Variants in EVC observed in about 807,000 individuals in gnomAD.
The protein encoded by EVC is evC complex member EVC.
Under a neutral mutation model 118.9 loss-of-function variants are expected in EVC, and 116 were observed. The ratio of observed to expected loss-of-function variants is 0.98; its 90% CI spans 0.84 to 1.14. The LOEUF is 1.14. Ranked by LOEUF, EVC falls within the 50% of genes most tolerant of loss-of-function variation. EVC has a pLI of 0.00. For synonymous variants in EVC, 619 were observed against 534.7 expected (o/e 1.16, Z -2.18); for missense variants, 1,401 against 1,246.4 (o/e 1.12, Z -1.87).
intron 1 of EVC, among the ~76,000 whole-genome samples, chr4:5,715,179 C>T (rs73071966): frequency 0.019 from 2,916 of 152,212 alleles, 77 homozygotes; most frequent in African/African-American, 0.066. Context: ...CACATATGTG[C>T]GTTTGTGTTC....
At chr4:5,727,787 A>G (rs1481917685) in intron 2 of EVC, among the ~76,000 whole-genome samples, 1 of 149,592 alleles carries the variant, frequency 6.7e-6, no homozygotes, top group African/African-American at 2.5e-5. Context: ...AGCTTTCTCC[A>G]TATGGCTAGC....
At chr4:5,761,378 G>A (rs1013473525) in intron 11 of EVC, among the ~76,000 whole-genome samples, 2 of 151,900 alleles carry the variant, frequency 1.3e-5, no homozygotes, top group Admixed American at 6.6e-5. Context: ...ACAATCAATC[G>A]AGGTTTATTG....
In EVC at chr4:5,749,688, G is replaced by A. The variant is rs1027842753; in HGVS notation, c.1098+1382G>A. On this transcript the variant is annotated intron_variant, in intron 8 of 20. Coordinates refer to ENST00000264956, the MANE Select transcript of EVC (RefSeq NM_153717.3). The surrounding 1 kb of genome is among the most constrained non-coding windows in gnomAD (Gnocchi z 4.4). Reference sequence around the variant, plus strand: ...CCAGTGTGTACTAGGGCCAGGGAACGAGCCCTCTGATGCTGCCCTGCACCC... The same window carrying A: ...CCAGTGTGTACTAGGGCCAGGGAACAAGCCCTCTGATGCTGCCCTGCACCC... Among the ~76,000 whole-genome samples, 4 of 152,162 alleles carry A rather than the reference G, an allele frequency of 2.6e-5. No individual in the cohort carries two copies. The highest frequency in any genetic ancestry group is 6.5e-5 in the Admixed American group (1 of 15,270).
rs2152313731 is a variant in EVC at position 5,789,867 on chromosome 4, A to G, written c.1777-3741A>G. On this transcript the variant is annotated intron_variant, in intron 12 of 20. Coordinates refer to ENST00000264956, the MANE Select transcript of EVC (RefSeq NM_153717.3). The surrounding 1 kb of genome is among the most constrained non-coding windows in gnomAD (Gnocchi z 4.3). ...AAAGACCCCTATATACTTTAGTGGCAATGCAGACTCACCTTTCAAAGAATC... is the reference window on the plus strand; with the variant it reads ...AAAGACCCCTATATACTTTAGTGGCGATGCAGACTCACCTTTCAAAGAATC... 6.6e-6 allele frequency among the ~76,000 whole-genome samples: 1 copy of G among 152,296 alleles called. No homozygotes were observed. The highest frequency in any genetic ancestry group is 1.9e-4 in the East Asian group (1 of 5,180).
At chr4:5,796,928 G>T (rs1186453511) in intron 13 of EVC, 94 bp from the exon 14 acceptor site, 1 of 932,920 alleles carries the variant, frequency 1.1e-6, no homozygotes, top group Admixed American at 1.7e-5. Context: ...CCTTTTGGAG[G>T]GGCCTCTTGT....
Position 5,715,347 on chromosome 4 carries a change from T to C in EVC, c.174+3793T>C, listed in dbSNP as rs1415081306. ...CAGCAGCATCAATATCTTGGGGAGC[T>C]TGATAGAAATGCATATTCTTGGGCT... On this transcript the variant is annotated intron_variant, in intron 1 of 20. Transcript: ENST00000264956. Among the ~76,000 whole-genome samples, 3 of 152,196 alleles carry C rather than the reference T, an allele frequency of 2.0e-5. No individual in the cohort carries two copies. The South Asian group carries it at 6.2e-4, about 31-fold the overall frequency.
At position 5,811,420 on chromosome 4, in the gene EVC, C is replaced by G. The variant is rs1716893596; in HGVS notation, c.*383C>G. The G allele has an allele frequency of 6.7e-6, 2 of 297,940 alleles. No individual in the cohort carries two copies. Among genetic ancestry groups the G allele is most frequent in the African/African-American group, 4.4e-5 (2 of 45,740 alleles). 18.5% of individuals were successfully genotyped at this position (297,940 alleles called of 1,614,324 possible). On this transcript the variant is annotated 3_prime_UTR_variant, in exon 21 of 21. Transcript: ENST00000264956. Reference sequence around the variant, plus strand: ...GTCTGGGCCCATCTGGGGCTGAGGACACACAGATACATAATGACACCTGCA... The same window carrying G: ...GTCTGGGCCCATCTGGGGCTGAGGAGACACAGATACATAATGACACCTGCA...
In EVC at chr4:5,756,168, TA is replaced by T; in HGVS notation, c.1465-94del. ...ATACAGGTGCCAACATCCTTCTTTC[TA>T]ACCTGAGATGCAGGGGATGGTTGGA... On this transcript the variant is annotated intron_variant, in intron 10 of 20. Coordinates refer to ENST00000264956, the MANE Select transcript of EVC (RefSeq NM_153717.3). The surrounding 1 kb of genome is among the most constrained non-coding windows in gnomAD (Gnocchi z 4.2). 1.0e-6 allele frequency: 1 copy of T among 952,548 alleles called. No individual in the cohort carries two copies. The highest frequency in any genetic ancestry group is 1.6e-6 in the Non-Finnish European group (1 of 609,842). 59.0% of individuals were successfully genotyped at this position (952,548 alleles called of 1,614,324 possible).
chr4:5,733,293 C>A, intron 4 of EVC, 58 bp from the exon 5 acceptor site: 1 of 1,431,800 alleles, frequency 7.0e-7, no homozygotes, highest in South Asian at 1.1e-5. Flanking sequence ...TGCCAATATT[C>A]TTACTCTTCA....
intron 11 of EVC, among the ~76,000 whole-genome samples, chr4:5,780,961 G>A (rs1459970510): frequency 6.6e-6 from 1 of 152,200 alleles, no homozygotes; most frequent in Non-Finnish European, 1.5e-5. Flanking sequence ...CATGAGTTGT[G>A]GCAGCATGTG....
chr4:5,714,097 G>C (rs1208091586), intron 1 of EVC, among the ~76,000 whole-genome samples: 3 of 151,962 alleles, frequency 2.0e-5, no homozygotes, highest in Non-Finnish European at 4.4e-5. Context: ...CTCCGCCTGC[G>C]CGGTCCTTTC....
At position 5,731,965 on chromosome 4, in the gene EVC, G is replaced by A. The variant is rs1726898140; in HGVS notation, c.617+308G>A. On this transcript the variant is annotated intron_variant, in intron 4 of 20. Transcript: ENST00000264956. This position sits in a 1 kb window ranked among gnomAD's most constrained non-coding sequence, Gnocchi z 5.6. ...TTAAGTGGGTACTTCTGAGTACCGG[G>A]CAGAGTGCTAAGCACTTTACAGGGA... is the stretch of plus-strand genomic sequence containing the variant. 7.0e-6 allele frequency among the ~76,000 whole-genome samples: 1 copy of A among 142,284 alleles called. No homozygotes were observed. Among genetic ancestry groups the A allele is most frequent in the South Asian group, 2.3e-4 (1 of 4,346 alleles). 93.3% of individuals were successfully genotyped at this position (142,284 alleles called of 152,430 possible). A position where few individuals can be genotyped will look rare whatever the true frequency, so the allele number is the denominator to read the frequency against.
chr4:5,815,725 C>G (rs904099874), downstream of EVC, among the ~76,000 whole-genome samples: 7 of 152,200 alleles, frequency 4.6e-5, no homozygotes, highest in Non-Finnish European at 7.3e-5. Context: ...TAAATGTTTC[C>G]TCTATAGCCC....
intron 1 of EVC, among the ~76,000 whole-genome samples, chr4:5,717,722 T>A (rs1560271071): frequency 6.6e-6 from 1 of 152,256 alleles, no homozygotes; most frequent in Non-Finnish European, 1.5e-5. Flanking sequence ...TGCTCCTCCC[T>A]GAGATATCTC....
chr4:5,800,239 G>T (rs1019093433), intron 15 of EVC, among the ~76,000 whole-genome samples: 1 of 152,118 alleles, frequency 6.6e-6, no homozygotes, highest in Non-Finnish European at 1.5e-5. Flanking sequence ...CAGCTACTCG[G>T]GAGGCTGAGG....
chr4:5,825,892 CACAT>C, the EVC span: 2 of 511,000 alleles, frequency 3.9e-6, no homozygotes, highest in Non-Finnish European at 3.5e-6. This position sits in a 1 kb window ranked among gnomAD's most constrained non-coding sequence, Gnocchi z 4.4. Flanking sequence ...CACATGCATA[CACAT>C]ACAGACGCAC....
At position 5,797,276 on chromosome 4, in the gene EVC, C is replaced by A. The variant is rs1422495303; in HGVS notation, c.2097+44C>A. ...CCCCACCCATTCCAGACAGGCGGTG[C>A]CCCTGCAGCAGGCCCCAGCTTCCAG... On this transcript the variant is annotated intron_variant, in intron 14 of 20. Transcript: ENST00000264956. 3 of 1,490,554 alleles carry A rather than the reference C, an allele frequency of 2.0e-6. No homozygotes were observed. In the Admixed American group the frequency reaches 5.7e-5, roughly 28 times the overall value. The allele number at this position is 1,490,554 out of a possible 1,614,324, so 92.3% of individuals were successfully genotyped here. A position where few individuals can be genotyped will look rare whatever the true frequency, so the allele number is the denominator to read the frequency against.
intron 9 of EVC, 47 bp from the exon 10 acceptor site, chr4:5,753,738 C>G (rs1364836806): frequency 6.2e-7 from 1 of 1,613,586 alleles, no homozygotes; most frequent in Non-Finnish European, 8.5e-7. Context: ...CACTGAAATT[C>G]TGGCTCACAG....
chr4:5,808,385 G>C (rs1379216140), intron 18 of EVC, 58 bp downstream of exon 18: 7 of 1,611,730 alleles, frequency 4.3e-6, no homozygotes, highest in Non-Finnish European at 5.1e-6. Flanking sequence ...AGCAGAAATA[G>C]CTGAAGCCAG....
Sources: allele counts gnomAD v4.1 joint callset (sites outside exome capture counted in the v4.1 genomes callset), GRCh38; gene constraint gnomAD v4.1.1; non-coding constraint Gnocchi (gnomAD v3.1); transcripts MANE v1.5; gene names NCBI Gene and HGNC (gene_info 2026-07-23, HGNC 2026-07-21).